Variants in USP16 observed in about 807,000 individuals in gnomAD.
The protein encoded by USP16 is ubiquitin specific peptidase 16, also known as ubiquitin carboxyl-terminal hydrolase 16.
Under a neutral mutation model 95.9 loss-of-function variants are expected in USP16, and 77 were observed. The ratio of observed to expected loss-of-function variants is 0.80; its 90% confidence interval spans 0.67 to 0.97. The LOEUF (loss-of-function observed/expected upper bound fraction) is 0.97. USP16 is among the 50% of genes least tolerant of loss of function. The pLI is 0.00. For synonymous variants in USP16, 303 were observed against 318.2 expected (o/e 0.95, Z 0.51); for missense variants, 943 against 959.9 (o/e 0.98, Z 0.23).
chr21:29,040,825 T>G (rs2085233030), intron 10 of USP16, 138 bp downstream of exon 10: 1 of 405,782 alleles, frequency 2.5e-6, no homozygotes, highest in Non-Finnish European at 4.5e-6. Flanking sequence ...TAGTAAAAAT[T>G]ATTCAGTGCT....
rs74599828 is a variant in USP16 at position 29,047,506 on chromosome 21, C to T, written c.2011+185C>T. ...AAGTGGCTAATACACTGTGACATCC[C>T]AGCAGCAGTTAAATGGGACAGTTTT... On this transcript the variant is annotated intron_variant, in intron 14 of 17. Transcript: ENST00000399976. 7.1e-3 allele frequency among the ~76,000 whole-genome samples: 1,077 copies of T among 152,234 alleles called. 12 individuals are homozygous for T. Among genetic ancestry groups the T allele is most frequent in the African/African-American group, 0.024 (1,015 of 41,548 alleles).
intron 13 of USP16, among the ~76,000 whole-genome samples, chr21:29,045,311 C>G (rs2085306603): frequency 6.6e-6 from 1 of 152,134 alleles, no homozygotes; most frequent in African/African-American, 2.4e-5. Flanking sequence ...TCTGTTACAA[C>G]CAGAAATGCC....
chr21:29,050,126 TAA>T lies in USP16; in HGVS notation c.2143_2144del (p.Lys715ValfsTer14). 6.2e-7 allele frequency: 1 copy of T among 1,613,748 alleles called. No individual in the cohort carries two copies. On this transcript the variant is annotated frameshift_variant, in exon 16 of 18. Coordinates refer to ENST00000399976, the MANE Select transcript of USP16 (RefSeq NM_006447.3). LOFTEE classifies it high-confidence loss of function. ...AACCTACGCAAAGTTAACAAACACA[TAA>T]AGTTTCCGGAAATCTTAGATTTGGC...
rs1568896635 is a variant in USP16 at position 29,046,774 on chromosome 21, A to G, written c.1464A>G (p.Gln488=). 6.2e-7 allele frequency: 1 copy of G among 1,614,104 alleles called. No homozygotes were observed. The highest frequency in any genetic ancestry group is 1.3e-5 in the African/African-American group (1 of 75,064). ...AATATGAAGCTGAAATGTCACTTCA[A>G]GGAGAAGTAAATATTAAATCCAACC... ...DSEYEAEMSL[Q]GEVNIKSNHI... is the part of the protein sequence containing the mutation. Residue 488 remains glutamine, a synonymous_variant, in exon 14 of 18, where the codon CAA becomes CAG. Transcript: ENST00000399976.
Position 29,034,912 on chromosome 21 carries a change from G to A in USP16, c.316G>A (p.Val106Ile). Reference sequence around the variant, plus strand: ...GCCAAGATCTGAACCTCACTGTCTGGTTCTTAGTTTGGACAACTGGAGTGT... The same window carrying A: ...GCCAAGATCTGAACCTCACTGTCTGATTCTTAGTTTGGACAACTGGAGTGT... The part of the protein sequence containing the change: ...LTPRSEPHCL[V>I]LSLDNWSVWC... The change falls in exon 4 of 18, where the codon GTT becomes ATT. Residue 106 changes from valine to isoleucine, a missense_variant. Val to Ile is a conservative substitution (Grantham distance 29). Transcript: ENST00000399976. 6.2e-7 allele frequency: 1 copy of A among 1,614,064 alleles called. No individual in the cohort carries two copies. The highest frequency in any genetic ancestry group is 1.1e-5 in the South Asian group (1 of 91,070).
intron 3 of USP16, among the ~76,000 whole-genome samples, chr21:29,033,598 T>C (rs1326291383): frequency 6.6e-6 from 1 of 152,226 alleles, no homozygotes; most frequent in Non-Finnish European, 1.5e-5. Context: ...TATACATCTT[T>C]TAGGTAAAAG....
chr21:29,038,881 C>T (rs946923964), intron 7 of USP16, 145 bp from the exon 8 acceptor site: 2 of 751,972 alleles, frequency 2.7e-6, no homozygotes, highest in Non-Finnish European at 3.8e-6. Context: ...CAAACAGTTT[C>T]TATCTCTTTT....
chr21:29,031,309 T>C (rs1486365630), intron 3 of USP16, among the ~76,000 whole-genome samples: 2 of 152,216 alleles, frequency 1.3e-5, no homozygotes, highest in African/African-American at 2.4e-5. Context: ...CTCACAGTTA[T>C]TACCGTGGTA....
rs145327890 is a variant in USP16 at position 29,029,535 on chromosome 21, T to A, written c.62-1060T>A. On this transcript the variant is annotated intron_variant, in intron 2 of 17. Transcript: ENST00000399976. The stretch of plus-strand genomic sequence containing the variant: ...TTATATTTCTTTTCTTGGTGCAAGA[T>A]CATTGGACATAAAGCTAATTATGCC... 7.2e-3 allele frequency among the ~76,000 whole-genome samples: 1,097 copies of A among 152,358 alleles called. 11 individuals carry two copies. Among genetic ancestry groups the A allele is most frequent in the African/African-American group, 0.025 (1,039 of 41,584 alleles).
Position 29,040,666 on chromosome 21 carries a change from G to A in USP16, c.1009G>A (p.Glu337Lys). 1 of 1,542,870 alleles carries A rather than the reference G, an allele frequency of 6.5e-7. No homozygotes were observed. Among genetic ancestry groups the A allele is most frequent in the Non-Finnish European group, 8.9e-7 (1 of 1,126,768 alleles). The change falls in exon 10 of 18, where the codon GAA becomes AAA. Residue 337 changes from glutamate to lysine, a missense_variant. Transcript: ENST00000399976. Reference sequence around the variant, plus strand: ...TAATTCTACTGAAAAGTTGGATGAAGAACTAAAAAATAAAGTTAAAGGTAA... The same window carrying A: ...TAATTCTACTGAAAAGTTGGATGAAAAACTAAAAAATAAAGTTAAAGGTAA... ...FGNSTEKLDE[E>K]LKNKVKDYEK...
At chr21:29,032,968 C>G (rs2085099191) in intron 3 of USP16, among the ~76,000 whole-genome samples, 1 of 151,912 alleles carries the variant, frequency 6.6e-6, no homozygotes, top group Non-Finnish European at 1.5e-5. Flanking sequence ...TTTATTTTAG[C>G]CATCATGATA....
In USP16 at chr21:29,038,474, ATG is replaced by A. The variant is rs149982041; in HGVS notation, c.732+50_732+51del. 156 of 1,229,370 alleles carry A rather than the reference ATG, an allele frequency of 1.3e-4. No homozygotes were observed. The South Asian group carries it at 1.3e-3, about 10-fold the overall frequency. 76.2% of individuals were successfully genotyped at this position (1,229,370 alleles called of 1,614,324 possible). On this transcript the variant is annotated intron_variant, in intron 7 of 17. Coordinates refer to ENST00000399976, the MANE Select transcript of USP16 (RefSeq NM_006447.3). ...TCTAGTCTGTAACTTTCCTCTCTGA[ATG>A]TGTGTTTTCTAAATTATTTTAAATA...
At chr21:29,034,979 T>A in intron 4 of USP16, 39 bp downstream of exon 4, 11 of 1,553,998 alleles carry the variant, frequency 7.1e-6, no homozygotes, top group African/African-American at 1.4e-5. Flanking sequence ...TGGAAATTAT[T>A]TGAAATATTA....
In USP16 at chr21:29,030,777, T is replaced by C. The variant is rs2085066198; in HGVS notation, c.240+4T>C. On this transcript the variant is annotated splice_donor_region_variant and intron_variant, in intron 3 of 17. Coordinates refer to ENST00000399976, the MANE Select transcript of USP16 (RefSeq NM_006447.3). Reference sequence around the variant, plus strand: ...GTGTCTTAAATGTGGCCATCAGGTATGCTTACGTTTTAAGATCAATATGGG... The same window carrying C: ...GTGTCTTAAATGTGGCCATCAGGTACGCTTACGTTTTAAGATCAATATGGG... 1 of 1,592,210 alleles carries C rather than the reference T, an allele frequency of 6.3e-7. No individual in the cohort carries two copies. The highest frequency in any genetic ancestry group is 2.2e-5 in the East Asian group (1 of 44,716).
rs755442642 is a variant in USP16, at chr21:29,053,950, T to C, written c.2342T>C (p.Ile781Thr). The C allele has an allele frequency of 2.6e-5, 42 of 1,614,196 alleles. No homozygotes were observed. Among genetic ancestry groups the C allele is most frequent in the Non-Finnish European group, 3.5e-5 (41 of 1,180,014 alleles). ...HLSNLVLHGD[I>T]PQDFEMESKG... is the part of the protein sequence containing the mutation. Reference sequence around the variant, plus strand: ...TCTAATCTTGTTCTTCACGGTGATATTCCACAAGGTAAGATGTCTTGGAAA... The same window carrying C: ...TCTAATCTTGTTCTTCACGGTGATACTCCACAAGGTAAGATGTCTTGGAAA... Residue 781 changes from isoleucine (I) to threonine (T), a missense_variant, in exon 17 of 18, where the codon ATT becomes ACT. Coordinates refer to ENST00000399976, the MANE Select transcript of USP16 (RefSeq NM_006447.3).
intron 16 of USP16, chr21:29,053,195 AC>A (rs1189175319): frequency 6.6e-6 from 1 of 152,526 alleles, no homozygotes; most frequent in African/African-American, 2.4e-5. Flanking sequence ...GATGCCTGTT[AC>A]GGACTTTTAC....
chr21:29,032,012 C>T (rs1464226335), intron 3 of USP16, among the ~76,000 whole-genome samples: 2 of 152,086 alleles, frequency 1.3e-5, no homozygotes, highest in Non-Finnish European at 2.9e-5. Context: ...CTTTTGTCAC[C>T]TGTGTAGATT....
chr21:29,041,694 A>G (rs1353770441), intron 10 of USP16, among the ~76,000 whole-genome samples: 1 of 152,154 alleles, frequency 6.6e-6, no homozygotes, highest in East Asian at 1.9e-4. Context: ...TTCATTTTAT[A>G]CTAATGGAGA....
intron 2 of USP16, 33 bp downstream of exon 2, chr21:29,028,007 T>C (rs1337424458): frequency 2.7e-6 from 4 of 1,475,896 alleles, no homozygotes; most frequent in Non-Finnish European, 2.8e-6. Context: ...TTAATGTTTA[T>C]ATCTCTAAAT....
Sources: allele counts gnomAD v4.1 joint callset (sites outside exome capture counted in the v4.1 genomes callset), GRCh38; gene constraint gnomAD v4.1.1; transcripts MANE v1.5; gene names NCBI Gene and HGNC (gene_info 2026-07-23, HGNC 2026-07-21).